Variants in ADGRV1 observed in about 807,000 individuals in gnomAD.
ADGRV1 encodes the protein G-protein coupled receptor 98.
ADGRV1 carries 359 observed loss-of-function variants against 596.2 expected under a neutral mutation model. The observed-to-expected ratio is 0.60, with a 90% confidence interval of 0.55 to 0.66. The LOEUF is 0.66. Ranked by LOEUF, ADGRV1 falls within the 30% of genes least tolerant of loss-of-function variation. The probability of loss-of-function intolerance (pLI) is 0.00; values close to 1 mark genes in which losing one functional copy is unlikely to be tolerated. For synonymous variants in ADGRV1, 2,681 were observed against 2,679.2 expected, an observed-to-expected ratio of 1.00 and a Z score of -0.02; for missense variants, 7,274 against 7,575.6, an observed-to-expected ratio of 0.96 and a Z score of 1.48.
chr5:91,014,176 C>CACA lies in ADGRV1; in HGVS notation c.18152+28654_18152+28655insACA, dbSNP rs56292568. On this transcript the variant is annotated intron_variant, in intron 85 of 89. Coordinates refer to ENST00000405460, the MANE Select transcript of ADGRV1 (RefSeq NM_032119.4). ...CACACACACACACACACACACACAC[C>CACA]CCTAGACATACAGCTAACCAGGGAG... 9.3e-4 allele frequency among the ~76,000 whole-genome samples: 116 copies of CACA among 124,162 alleles called. 13 individuals carry two copies. The highest frequency in any genetic ancestry group is 1.8e-3 in the Admixed American group (21 of 11,894). 81.5% of individuals were successfully genotyped at this position (124,162 alleles called of 152,430 possible).
chr5:91,113,397 A>G (rs1342292474), intron 87 of ADGRV1, among the ~76,000 whole-genome samples: 4 of 152,182 alleles, frequency 2.6e-5, no homozygotes, highest in Non-Finnish European at 4.4e-5. Flanking sequence ...CAATCTCAGG[A>G]TAAGTTCAAA....
intron 83 of ADGRV1, among the ~76,000 whole-genome samples, chr5:90,890,167 G>A (rs75381321): frequency 0.013 from 1,966 of 152,204 alleles, 31 homozygotes; most frequent in African/African-American, 0.045. Context: ...TAAATCATAA[G>A]GGTGACTTTA....
At chr5:90,606,731 G>A (rs55866708) in intron 1 of ADGRV1, among the ~76,000 whole-genome samples, 2 of 152,030 alleles carry the variant, frequency 1.3e-5, no homozygotes, top group African/African-American at 2.4e-5. Flanking sequence ...GTTGTGAAAC[G>A]TACATCAATC....
In ADGRV1 at chr5:90,728,869, A is replaced by G. The variant is rs1325751815; in HGVS notation, c.10362A>G (p.Thr3454=). ...NFQEVPVSGT[T]EVEALSSAND... is the part of the protein sequence containing the mutation. The stretch of plus-strand genomic sequence containing the variant: ...AAGAGGTGCCTGTCAGTGGGACAAC[A>G]GAAGTTGAGGCTTTGTCTTCAGCCA... Residue 3454 remains threonine (T), a synonymous_variant, in exon 49 of 90, where the codon ACA becomes ACG. Transcript: ENST00000405460. 6.8e-6 allele frequency: 11 copies of G among 1,613,686 alleles called. No homozygotes were observed. The Middle Eastern group carries it at 6.8e-4, about 99-fold the overall frequency.
intron 70 of ADGRV1, chr5:90,792,637 T>C (rs937765586): frequency 1.3e-5 from 2 of 152,190 alleles, no homozygotes; most frequent in African/African-American, 2.4e-5. Context: ...CTACAGCATA[T>C]TTCTGGTCAC....
chr5:90,580,066 A>G (rs1429582943), intron 1 of ADGRV1, among the ~76,000 whole-genome samples: 3 of 151,854 alleles, frequency 2.0e-5, no homozygotes, highest in Admixed American at 1.3e-4. Flanking sequence ...TCTTTATTCA[A>G]TTTGCTAGTC....
intron 21 of ADGRV1, among the ~76,000 whole-genome samples, chr5:90,667,658 C>A (rs1367912426): frequency 1.3e-5 from 2 of 151,864 alleles, no homozygotes; most frequent in Non-Finnish European, 2.9e-5. Context: ...TGGTGAGGAA[C>A]TGCGTTCCTT....
intron 50 of ADGRV1, among the ~76,000 whole-genome samples, chr5:90,732,938 A>C (rs1349844992): frequency 6.6e-6 from 1 of 151,854 alleles, no homozygotes; most frequent in East Asian, 1.9e-4. Context: ...CACACTCAGC[A>C]GTAGTGAGAT....
Position 90,694,226 on chromosome 5 carries a change from A to T in ADGRV1, c.7470A>T (p.Ala2490=). The change falls in exon 33 of 90, where the codon GCA becomes GCT. Residue 2490 remains alanine (A), a synonymous_variant. Transcript: ENST00000405460. The stretch of plus-strand genomic sequence containing the variant: ...ACAGGAAAAACATGACCAGGGTAGC[A>T]TCTCTTTTTAGTGGTCAGGCTGTGG... ...WTYRKNMTRV[A]SLFSGQAVAG... 3 of 1,613,926 alleles carry T rather than the reference A, an allele frequency of 1.9e-6. No individual in the cohort carries two copies. Among genetic ancestry groups the T allele is most frequent in the East Asian group, 4.5e-5 (2 of 44,886 alleles).
chr5:90,759,824 G>C (rs1471611744), intron 58 of ADGRV1: 1 of 445,372 alleles, frequency 2.2e-6, no homozygotes, highest in Non-Finnish European at 4.2e-6. Context: ...AATTAGCTGG[G>C]CGTGGTGGCA....
intron 83 of ADGRV1, among the ~76,000 whole-genome samples, chr5:90,944,198 CTAAT>C (rs995336058): frequency 5.3e-5 from 8 of 152,186 alleles, no homozygotes; most frequent in African/African-American, 1.7e-4. Flanking sequence ...TTCCCTCTGG[CTAAT>C]TGTCTTCATT....
intron 77 of ADGRV1, among the ~76,000 whole-genome samples, chr5:90,834,717 C>T (rs1399947950): frequency 1.3e-5 from 2 of 151,684 alleles, no homozygotes; most frequent in East Asian, 3.9e-4. Context: ...CATTATTAAC[C>T]CTTTGAATAA....
Position 90,672,533 on chromosome 5 carries a change from C to A in ADGRV1, c.4753-13C>A. 6.2e-7 allele frequency: 1 copy of A among 1,606,526 alleles called. No homozygotes were observed. The highest frequency in any genetic ancestry group is 8.5e-7 in the Non-Finnish European group (1 of 1,174,368). On this transcript the variant is annotated splice_polypyrimidine_tract_variant and intron_variant, in intron 21 of 89. Coordinates refer to ENST00000405460, the MANE Select transcript of ADGRV1 (RefSeq NM_032119.4). Reference sequence around the variant, plus strand: ...TTGCTATGCACCTATTAATAATTTACATTCAATTTCAGATTGCAGAGGAGG... The same window carrying A: ...TTGCTATGCACCTATTAATAATTTAAATTCAATTTCAGATTGCAGAGGAGG...
intron 76 of ADGRV1, among the ~76,000 whole-genome samples, chr5:90,825,006 G>A (rs1286996726): frequency 2.6e-5 from 4 of 151,648 alleles, no homozygotes. Flanking sequence ...CTGTGATCTC[G>A]GCTCACTGCA....
In ADGRV1 at chr5:90,980,417, C is replaced by T. The variant is rs576178320; in HGVS notation, c.17974-4927C>T. Among the ~76,000 whole-genome samples the T allele has an allele frequency of 1.3e-4, 20 of 152,174 alleles. 1 individual carries two copies. In the South Asian group the frequency reaches 3.1e-3, roughly 24 times the overall value. Reference sequence around the variant, plus strand: ...CCTTAATGCTAGGAAACTTTGTATTCGGAGTGTGTATGAAATGTAGAAACA... The same window carrying T: ...CCTTAATGCTAGGAAACTTTGTATTTGGAGTGTGTATGAAATGTAGAAACA... On this transcript the variant is annotated intron_variant, in intron 84 of 89. Transcript: ENST00000405460.
intron 85 of ADGRV1, among the ~76,000 whole-genome samples, chr5:91,051,341 ACAAT>A (rs1226464661): frequency 6.6e-6 from 1 of 152,154 alleles, no homozygotes; most frequent in Non-Finnish European, 1.5e-5. Context: ...GAGTACCCAT[ACAAT>A]CATTCTTTCA....
At chr5:90,955,816 T>G (rs987250605) in intron 83 of ADGRV1, among the ~76,000 whole-genome samples, 2 of 152,174 alleles carry the variant, frequency 1.3e-5, no homozygotes, top group African/African-American at 4.8e-5. Context: ...ATGATAACTC[T>G]CTCAATAATT....
chr5:91,008,758 C>T (rs567394086), intron 85 of ADGRV1, among the ~76,000 whole-genome samples: 1 of 152,178 alleles, frequency 6.6e-6, no homozygotes, highest in East Asian at 1.9e-4. Context: ...GTCTCGGTCA[C>T]TGAAAGTGCT....
intron 86 of ADGRV1, among the ~76,000 whole-genome samples, chr5:91,094,461 T>TA (rs533784886): frequency 0.21 from 27,220 of 128,994 alleles, 3,800 homozygotes; most frequent in African/African-American, 0.42. Flanking sequence ...TCCTTCTATG[T>TA]AAAAAAAAAA....
Sources: allele counts gnomAD v4.1 joint callset (sites outside exome capture counted in the v4.1 genomes callset), GRCh38; gene constraint gnomAD v4.1.1; transcripts MANE v1.5; gene names NCBI Gene and HGNC (gene_info 2026-07-23, HGNC 2026-07-21).